Variants in SDK2 observed in about 807,000 individuals in gnomAD.
SDK2 encodes the protein sidekick cell adhesion molecule 2.
SDK2 carries 105 observed loss-of-function variants against 253.9 expected under a neutral mutation model. The ratio of observed to expected loss-of-function variants is 0.41; its 90% CI spans 0.35 to 0.49. SDK2 has a LOEUF of 0.49. Among genes scored for constraint, SDK2 ranks in the 20% least tolerant of loss-of-function variants. The pLI, the probability that SDK2 is intolerant of heterozygous loss-of-function variation, is 0.06. For missense variants in SDK2, 2,608 were observed against 3,003.0 expected, an observed-to-expected ratio of 0.87 and a Z score of 3.07; for synonymous variants, 1,249 against 1,234.9, an observed-to-expected ratio of 1.01 and a Z score of -0.24.
At chr17:73,504,522 C>A (rs2063919259) in intron 2 of SDK2, 1 of 147,716 alleles carries the variant, frequency 6.8e-6, no homozygotes, top group African/African-American at 2.5e-5. Context: ...GTCCCAGCTA[C>A]TTGGGAGGCT....
At chr17:73,356,865 C>T (rs2062596205) in intron 40 of SDK2, among the ~76,000 whole-genome samples, 1 of 152,210 alleles carries the variant, frequency 6.6e-6, no homozygotes, top group South Asian at 2.1e-4. Context: ...ACACCAGAGT[C>T]CCACGCTGGG....
In SDK2 at chr17:73,477,886, C is replaced by T. The variant is rs192731829; in HGVS notation, c.225-5668G>A. The stretch of plus-strand genomic sequence containing the variant: ...GTGACCTGCAACCTTAATCTCTATT[C>T]AACGAGGAAGAGCTGCTGGGTTGTG... On this transcript the variant is annotated intron_variant, in intron 2 of 44. Coordinates refer to ENST00000392650, the MANE Select transcript of SDK2 (RefSeq NM_001144952.2). 1.2e-4 allele frequency among the ~76,000 whole-genome samples: 18 copies of T among 152,324 alleles called. No homozygotes were observed. In the East Asian group the frequency reaches 3.5e-3, roughly 29 times the overall value.
chr17:73,356,710 C>A (rs910693777), intron 40 of SDK2, among the ~76,000 whole-genome samples: 2 of 152,188 alleles, frequency 1.3e-5, no homozygotes, highest in Non-Finnish European at 2.9e-5. Context: ...CCTCCCTGTG[C>A]CTGGTTACTG....
intron 1 of SDK2, among the ~76,000 whole-genome samples, chr17:73,603,621 C>T (rs1166941267): frequency 2.0e-5 from 3 of 152,222 alleles, no homozygotes; most frequent in East Asian, 3.9e-4. Flanking sequence ...CAGCCACTTA[C>T]GCTTCCCAGT....
At chr17:73,581,286 G>A (rs1349077964) in intron 1 of SDK2, among the ~76,000 whole-genome samples, 1 of 152,084 alleles carries the variant, frequency 6.6e-6, no homozygotes, top group Non-Finnish European at 1.5e-5. Context: ...CTTTACACTG[G>A]GCCCTGCAAA....
intron 4 of SDK2, among the ~76,000 whole-genome samples, chr17:73,450,567 C>A (rs2063483796): frequency 6.6e-6 from 1 of 152,212 alleles, no homozygotes; most frequent in Admixed American, 6.5e-5. Flanking sequence ...GGCCCACGTT[C>A]CAGTTCACCC....
chr17:73,630,170 T>G (rs2046250475), intron 1 of SDK2, among the ~76,000 whole-genome samples: 1 of 151,892 alleles, frequency 6.6e-6, no homozygotes, highest in Non-Finnish European at 1.5e-5. Context: ...TCTTCAAATC[T>G]TTATGCCAGG....
At chr17:73,473,467 T>C (rs1262324516) in intron 2 of SDK2, among the ~76,000 whole-genome samples, 2 of 152,162 alleles carry the variant, frequency 1.3e-5, no homozygotes, top group Non-Finnish European at 2.9e-5. Context: ...ATTGGTATCC[T>C]AGGGTTTGCC....
intron 43 of SDK2, among the ~76,000 whole-genome samples, chr17:73,349,954 G>A (rs969192825): frequency 1.3e-5 from 2 of 152,142 alleles, no homozygotes; most frequent in African/African-American, 4.8e-5. Flanking sequence ...GCATTCTACT[G>A]TCACTGTCAG....
At position 73,435,951 on chromosome 17, in the gene SDK2, G is replaced by C. The variant is rs1195008410; in HGVS notation, c.1001-307C>G. On this transcript the variant is annotated intron_variant, in intron 8 of 44. Coordinates refer to ENST00000392650, the MANE Select transcript of SDK2 (RefSeq NM_001144952.2). This position sits in a 1 kb window ranked among gnomAD's most constrained non-coding sequence, Gnocchi z 5.7. Reference sequence around the variant, plus strand: ...TCTATTTGTGTAGAGATGGAGTCTTGCTAGGTTGCCCAGGGTGGTCTAGAA... The same window carrying C: ...TCTATTTGTGTAGAGATGGAGTCTTCCTAGGTTGCCCAGGGTGGTCTAGAA... Among the ~76,000 whole-genome samples the C allele has an allele frequency of 6.6e-6, 1 of 152,132 alleles. No homozygotes were observed. Among genetic ancestry groups the C allele is most frequent in the Non-Finnish European group, 1.5e-5 (1 of 68,006 alleles).
intron 2 of SDK2, 124 bp from the exon 3 acceptor site, chr17:73,472,342 T>C: frequency 1.5e-6 from 1 of 648,270 alleles, no homozygotes; most frequent in Non-Finnish European, 2.8e-6. Flanking sequence ...ACCAGGGAAC[T>C]CTTGACTCTC....
At chr17:73,503,804 G>C (rs747367056) in intron 2 of SDK2, among the ~76,000 whole-genome samples, 5 of 152,198 alleles carry the variant, frequency 3.3e-5, no homozygotes, top group Non-Finnish European at 7.3e-5. Context: ...ACCACGACTG[G>C]TCAGGGATGG....
At chr17:73,422,586 T>C (rs956185466) in intron 14 of SDK2, among the ~76,000 whole-genome samples, 152 bp from the exon 15 acceptor site, 1 of 152,178 alleles carries the variant, frequency 6.6e-6, no homozygotes, top group Admixed American at 6.5e-5. Context: ...ATGCCATTTT[T>C]CTAGGTCCCA....
intron 2 of SDK2, among the ~76,000 whole-genome samples, chr17:73,480,760 C>T (rs1394498303): frequency 3.3e-5 from 5 of 152,160 alleles, no homozygotes; most frequent in African/African-American, 9.6e-5. Flanking sequence ...CAAAGAGAGA[C>T]AGGGGACAGA....
intron 1 of SDK2, among the ~76,000 whole-genome samples, chr17:73,512,855 C>T (rs1342333998): frequency 6.6e-6 from 1 of 152,090 alleles, no homozygotes; most frequent in Non-Finnish European, 1.5e-5. Context: ...GTGGGTAATA[C>T]ACCAATTAGT....
At chr17:73,464,122 G>T (rs1268026036) in intron 3 of SDK2, among the ~76,000 whole-genome samples, 1 of 152,166 alleles carries the variant, frequency 6.6e-6, no homozygotes, top group Non-Finnish European at 1.5e-5. Flanking sequence ...TCATGCCTCT[G>T]CCCTCGACCA....
intron 13 of SDK2, among the ~76,000 whole-genome samples, 177 bp downstream of exon 13, chr17:73,423,739 C>T (rs1185999422): frequency 6.6e-6 from 1 of 152,166 alleles, no homozygotes; most frequent in African/African-American, 2.4e-5. Context: ...TGACGGAGGG[C>T]CTAACTGAGC....
chr17:73,582,503 G>A (rs1301277975), intron 1 of SDK2, among the ~76,000 whole-genome samples: 1 of 152,214 alleles, frequency 6.6e-6, no homozygotes, highest in Non-Finnish European at 1.5e-5. Flanking sequence ...TTATCAAAAT[G>A]TTTACTATGT....
At chr17:73,580,665 A>G (rs1019235885) in intron 1 of SDK2, among the ~76,000 whole-genome samples, 2 of 152,278 alleles carry the variant, frequency 1.3e-5, no homozygotes, top group African/African-American at 2.4e-5. Context: ...ACAATGGCAC[A>G]TATGTGTAAG....
Sources: allele counts gnomAD v4.1 joint callset (sites outside exome capture counted in the v4.1 genomes callset), GRCh38; gene constraint gnomAD v4.1.1; non-coding constraint Gnocchi (gnomAD v3.1); transcripts MANE v1.5; gene names NCBI Gene and HGNC (gene_info 2026-07-23, HGNC 2026-07-21).